Variants in MARCHF5 observed in about 807,000 individuals in gnomAD.
MARCHF5 encodes the protein membrane associated ring-CH-type finger 5.
A neutral mutation model predicts 36.5 loss-of-function variants in MARCHF5; 5 were observed. That is an observed-to-expected ratio of 0.14 (90% CI 0.07 to 0.29). MARCHF5 has a LOEUF of 0.29. MARCHF5 is among the 10% of genes least tolerant of loss of function. The pLI is 1.00. For synonymous variants in MARCHF5, 103 were observed against 109.9 expected (o/e 0.94, Z 0.39); for missense variants, 179 against 336.3 (o/e 0.53, Z 3.66).
chr10:92,341,839 G>A (rs1025533498), intron 3 of MARCHF5, among the ~76,000 whole-genome samples: 1 of 144,374 alleles, frequency 6.9e-6, no homozygotes, highest in Non-Finnish European at 1.5e-5. Context: ...GCCCAGATTG[G>A]GCATGTGGTG....
chr10:92,307,941 C>A (rs1422864804), intron 1 of MARCHF5, among the ~76,000 whole-genome samples: 2 of 150,964 alleles, frequency 1.3e-5, no homozygotes, highest in African/African-American at 4.9e-5. Flanking sequence ...TTATGCTTCC[C>A]CCCTTTTTTT....
intron 2 of MARCHF5, among the ~76,000 whole-genome samples, chr10:92,318,786 C>A (rs1843248575): frequency 6.6e-6 from 1 of 151,970 alleles, no homozygotes; most frequent in African/African-American, 2.4e-5. Context: ...GCAACCTCTG[C>A]CTACTGCAGA....
intron 2 of MARCHF5, among the ~76,000 whole-genome samples, chr10:92,312,924 C>G (rs1489982738): frequency 6.6e-6 from 1 of 152,180 alleles, no homozygotes; most frequent in African/African-American, 2.4e-5. Context: ...GGTTTTAAGT[C>G]TACCTAGTTG....
chr10:92,308,369 T>C (rs1055902907), intron 1 of MARCHF5: 1 of 152,250 alleles, frequency 6.6e-6, no homozygotes, highest in African/African-American at 2.4e-5. Flanking sequence ...ATCTTGGTTA[T>C]GGTGGGTTTT....
At position 92,311,226 on chromosome 10, in the gene MARCHF5, CA is replaced by C; in HGVS notation, c.128del (p.His43ProfsTer31). On this transcript the variant is annotated frameshift_variant, in exon 2 of 6. Transcript: ENST00000358935. LOFTEE classifies it high-confidence loss of function. The part of the protein sequence containing the change: ...CRCRGSTKWV[H>X]QACLQRWVDE... ...GTGCAGAGGATCTACAAAATGGGTT[CA>C]CCAGGCCTGTCTACAACGCTGGGTG... is the stretch of plus-strand genomic sequence containing the variant. 1 of 1,614,066 alleles carries C rather than the reference CA, an allele frequency of 6.2e-7. No individual in the cohort carries two copies. Among genetic ancestry groups the C allele is most frequent in the Admixed American group, 1.7e-5 (1 of 60,016 alleles).
chr10:92,339,743 C>T (rs1312432320), intron 2 of MARCHF5, among the ~76,000 whole-genome samples: 1 of 152,046 alleles, frequency 6.6e-6, no homozygotes, highest in African/African-American at 2.4e-5. Context: ...AGGGCTGAGA[C>T]CCTTCCATTC....
At position 92,353,737 on chromosome 10, in the gene MARCHF5, G is replaced by A. The variant is rs567185937; in HGVS notation, c.*2530G>A. 4.4e-5 allele frequency: 4 copies of A among 91,820 alleles called. No individual in the cohort carries two copies. The highest frequency in any genetic ancestry group is 2.6e-4 in the South Asian group (1 of 3,844). The allele number at this position is 91,820 out of a possible 1,614,324, so 5.7% of individuals were successfully genotyped here. A position where few individuals can be genotyped will look rare whatever the true frequency, so the allele number is the denominator to read the frequency against. On this transcript the variant is annotated 3_prime_UTR_variant, in exon 6 of 6. Transcript: ENST00000358935. ...AACCTCTTTTATAAAATTCAATGACGACTACTAGAATTCTTTTCAAAAGTT... is the reference window on the plus strand; with the variant it reads ...AACCTCTTTTATAAAATTCAATGACAACTACTAGAATTCTTTTCAAAAGTT...
intron 2 of MARCHF5, among the ~76,000 whole-genome samples, chr10:92,328,850 T>C (rs1843402904): frequency 6.8e-6 from 1 of 146,458 alleles, no homozygotes; most frequent in Non-Finnish European, 1.5e-5. Context: ...GAATATCTGA[T>C]AGATAGTTTG....
intron 2 of MARCHF5, among the ~76,000 whole-genome samples, chr10:92,326,375 C>T (rs1031972476): frequency 6.6e-6 from 1 of 152,002 alleles, no homozygotes; most frequent in Non-Finnish European, 1.5e-5. Flanking sequence ...GTAGACTCAG[C>T]AAATTTATGT....
chr10:92,323,142 A>G (rs1843311958), intron 2 of MARCHF5, among the ~76,000 whole-genome samples: 1 of 152,188 alleles, frequency 6.6e-6, no homozygotes, highest in African/African-American at 2.4e-5. Context: ...CATGGGCTCA[A>G]GTGATCTTCC....
At chr10:92,347,056 T>A (rs932359016) in intron 3 of MARCHF5, among the ~76,000 whole-genome samples, 2 of 152,206 alleles carry the variant, frequency 1.3e-5, no homozygotes, top group Admixed American at 6.5e-5. Flanking sequence ...AAAAATAGAA[T>A]TTCTTAGCCA....
At chr10:92,325,103 C>G (rs1231929557) in intron 2 of MARCHF5, among the ~76,000 whole-genome samples, 1 of 151,786 alleles carries the variant, frequency 6.6e-6, no homozygotes, top group Admixed American at 6.6e-5. Context: ...AAGGTCGAGG[C>G]GGGGGGATCA....
chr10:92,298,653 C>G (rs1842975541), intron 1 of MARCHF5, among the ~76,000 whole-genome samples: 1 of 152,156 alleles, frequency 6.6e-6, no homozygotes, highest in African/African-American at 2.4e-5. Context: ...TTACTGCAAC[C>G]TCCATCCCCC....
intron 1 of MARCHF5, among the ~76,000 whole-genome samples, chr10:92,307,843 G>T (rs961409089): frequency 2.0e-5 from 3 of 152,078 alleles, no homozygotes; most frequent in Non-Finnish European, 4.4e-5. Flanking sequence ...CTGCACTCCA[G>T]CCTGGGCAAC....
intron 1 of MARCHF5, among the ~76,000 whole-genome samples, chr10:92,310,455 A>G (rs1843130222): frequency 6.6e-6 from 1 of 152,176 alleles, no homozygotes; most frequent in Non-Finnish European, 1.5e-5. Flanking sequence ...ACCGATCTCA[A>G]TAGAATTTTA....
chr10:92,293,652 G>C (rs1285548422), intron 1 of MARCHF5, among the ~76,000 whole-genome samples: 1 of 149,358 alleles, frequency 6.7e-6, no homozygotes, highest in Non-Finnish European at 1.5e-5. Flanking sequence ...GCGTAGTGGC[G>C]TGGGCCTGTA....
intron 3 of MARCHF5, among the ~76,000 whole-genome samples, chr10:92,346,488 C>G (rs1843645192): frequency 1.4e-5 from 2 of 145,352 alleles, no homozygotes; most frequent in Admixed American, 1.5e-4. Flanking sequence ...TGCCCTATTT[C>G]CTTCTTTTTT....
chr10:92,332,697 T>C (rs1843451303), intron 2 of MARCHF5, among the ~76,000 whole-genome samples: 1 of 151,602 alleles, frequency 6.6e-6, no homozygotes, highest in Non-Finnish European at 1.5e-5. Context: ...ATTTTTGTAT[T>C]TTTAGTAGAG....
At chr10:92,345,684 CT>C (rs60579145) in intron 3 of MARCHF5, among the ~76,000 whole-genome samples, 1,840 of 132,662 alleles carry the variant, frequency 0.014, 25 homozygotes, top group African/African-American at 0.044. Flanking sequence ...TTGTTTTTCT[CT>C]TTTTTTTTTT....
Sources: allele counts gnomAD v4.1 joint callset (sites outside exome capture counted in the v4.1 genomes callset), GRCh38; gene constraint gnomAD v4.1.1; transcripts MANE v1.5; gene names NCBI Gene and HGNC (gene_info 2026-07-23, HGNC 2026-07-21).